Variants in ZNF131 observed in about 807,000 individuals in gnomAD.
ZNF131 encodes zinc finger and BTB domain containing 35, also known as zinc finger protein 131.
A neutral mutation model predicts 60.0 loss-of-function variants in ZNF131; 7 were observed. That is an observed-to-expected ratio of 0.12 (90% CI 0.07 to 0.22). ZNF131 has a LOEUF of 0.22. Ranked by LOEUF, ZNF131 falls within the 10% of genes least tolerant of loss-of-function variation. The probability of loss-of-function intolerance (pLI) is 1.00; values close to 1 mark genes in which losing one functional copy is unlikely to be tolerated. For missense variants in ZNF131, 493 were observed against 740.9 expected (o/e 0.67, Z 3.88); for synonymous variants, 257 against 253.2 (o/e 1.01, Z -0.14).
At chr5:43,122,295 C>G in intron 2 of ZNF131, 118 bp downstream of exon 2, 2 of 1,233,188 alleles carry the variant, frequency 1.6e-6, no homozygotes, top group Admixed American at 2.7e-5. Flanking sequence ...GTCTCCCTAC[C>G]AAAGTCTGCA....
chr5:43,144,084 A>G (rs145599027), intron 4 of ZNF131, among the ~76,000 whole-genome samples: 14,607 of 149,986 alleles, frequency 0.097, 837 homozygotes, highest in East Asian at 0.19. Flanking sequence ...CACCACGCCC[A>G]GCTAATATTT....
At chr5:43,122,241 C>G (rs935996751) in intron 2 of ZNF131, 64 bp downstream of exon 2, 3 of 1,414,976 alleles carry the variant, frequency 2.1e-6, no homozygotes, top group Non-Finnish European at 2.8e-6. Context: ...CCTTCGGACA[C>G]CCGCCTTTTT....
chr5:43,159,992 C>T (rs954950941), intron 4 of ZNF131, among the ~76,000 whole-genome samples: 1 of 151,538 alleles, frequency 6.6e-6, no homozygotes, highest in East Asian at 1.9e-4. Flanking sequence ...CTGGCTAACA[C>T]GGTGAAACCC....
At chr5:43,121,550 GC>G (rs1184992313) in intron 1 of ZNF131, 11 of 152,908 alleles carry the variant, frequency 7.2e-5, no homozygotes, top group African/African-American at 2.4e-4. Context: ...GCAAGCCTGG[GC>G]CGCTCCTCCT....
chr5:43,173,274 G>C, intron 5 of ZNF131, 44 bp from the exon 6 acceptor site: 1 of 1,487,622 alleles, frequency 6.7e-7, no homozygotes, highest in East Asian at 2.3e-5. Flanking sequence ...TTGCTCTTAG[G>C]ATTTTTCTTA....
At chr5:43,130,264 C>CAAAAAAAAA (rs570313526) in intron 3 of ZNF131, among the ~76,000 whole-genome samples, 7,139 of 67,814 alleles carry the variant, frequency 0.11, 995 homozygotes, top group South Asian at 0.15. Flanking sequence ...ACTCTGTCTC[C>CAAAAAAAAA]AAAAAAAAAA....
At chr5:43,136,778 C>T (rs776595734) in intron 3 of ZNF131, among the ~76,000 whole-genome samples, 4 of 151,672 alleles carry the variant, frequency 2.6e-5, no homozygotes, top group Middle Eastern at 3.4e-3. Context: ...TGAGCCACTG[C>T]ACCCAGCTGA....
intron 6 of ZNF131, 70 bp from the exon 7 acceptor site, chr5:43,174,377 A>C: frequency 7.5e-7 from 1 of 1,335,056 alleles, no homozygotes; most frequent in Non-Finnish European, 1.0e-6. Context: ...CTTTACAGAG[A>C]ATAAATGCAT....
At chr5:43,138,603 C>T (rs769620797) in intron 3 of ZNF131, among the ~76,000 whole-genome samples, 4 of 152,104 alleles carry the variant, frequency 2.6e-5, no homozygotes, top group Non-Finnish European at 5.9e-5. Context: ...GAGCCAAGAT[C>T]ACTGTATTGC....
chr5:43,145,237 C>T (rs1747433480), intron 4 of ZNF131, among the ~76,000 whole-genome samples: 1 of 152,198 alleles, frequency 6.6e-6, no homozygotes, highest in South Asian at 2.1e-4. Flanking sequence ...TTATCCCACT[C>T]TGCAAAACAA....
chr5:43,148,429 C>T (rs1324501257), intron 4 of ZNF131, among the ~76,000 whole-genome samples: 1 of 152,210 alleles, frequency 6.6e-6, no homozygotes, highest in Non-Finnish European at 1.5e-5. Flanking sequence ...AACACAACTA[C>T]TTATGCCCTG....
At chr5:43,144,852 ATCTG>A (rs989891422) in intron 4 of ZNF131, among the ~76,000 whole-genome samples, 25 of 151,590 alleles carry the variant, frequency 1.6e-4, no homozygotes, top group African/African-American at 5.8e-4. Flanking sequence ...TTGGAATGCC[ATCTG>A]TCTGCTTGTT....
intron 3 of ZNF131, among the ~76,000 whole-genome samples, chr5:43,126,257 T>A (rs896374469): frequency 3.3e-5 from 5 of 152,210 alleles, no homozygotes; most frequent in African/African-American, 1.2e-4. Flanking sequence ...GCTGTTAAAA[T>A]CCTCTGGAAA....
intron 3 of ZNF131, among the ~76,000 whole-genome samples, chr5:43,135,358 A>G (rs1208967182): frequency 6.6e-6 from 1 of 152,154 alleles, no homozygotes; most frequent in African/African-American, 2.4e-5. Context: ...GAACAATCCC[A>G]TTTATATTGA....
In ZNF131 at chr5:43,143,121, C is replaced by T. The variant is rs1747077650; in HGVS notation, c.371+3812C>T. 2.0e-5 allele frequency among the ~76,000 whole-genome samples: 3 copies of T among 150,502 alleles called. No individual in the cohort carries two copies. The South Asian group carries it at 6.3e-4, about 31-fold the overall frequency. On this transcript the variant is annotated intron_variant, in intron 4 of 6. Coordinates refer to ENST00000682664, the MANE Select transcript of ZNF131 (RefSeq NM_001330707.2). ...CACTGCAACCTCTGCTTCCCGGGTT[C>T]AAGCGATTCCTTTGCCTCAATCTCC...
At chr5:43,125,641 G>A (rs1433458034) in intron 3 of ZNF131, among the ~76,000 whole-genome samples, 3 of 151,796 alleles carry the variant, frequency 2.0e-5, no homozygotes, top group African/African-American at 2.4e-5. Context: ...TTAGCCGGGC[G>A]TGGTGGTGGG....
rs1240242205 is a variant in ZNF131 at position 43,175,754 on chromosome 5, TCAAAA to T, written c.*623_*627del. The T allele has an allele frequency of 6.9e-6, 2 of 287,946 alleles. No homozygotes were observed. The highest frequency in any genetic ancestry group is 4.5e-5 in the African/African-American group (2 of 44,846). The allele number at this position is 287,946 out of a possible 1,614,324, so 17.8% of individuals were successfully genotyped here. On this transcript the variant is annotated 3_prime_UTR_variant, in exon 7 of 7. Transcript: ENST00000682664. Reference sequence around the variant, plus strand: ...AAAAAATCCACACCCATGTGCCTTCTCAAAACCAACTGAACTTCTATAAAGCATCT... The same window carrying T: ...AAAAAATCCACACCCATGTGCCTTCTCCAACTGAACTTCTATAAAGCATCT...
chr5:43,142,999 C>T (rs974405344), intron 4 of ZNF131, among the ~76,000 whole-genome samples: 18 of 150,982 alleles, frequency 1.2e-4, no homozygotes, highest in Non-Finnish European at 2.1e-4. Flanking sequence ...CTTGGCCAGA[C>T]ATGGTTTCTT....
rs183099881 is a variant in ZNF131, at chr5:43,126,751, T to C, written c.226+3441T>C. On this transcript the variant is annotated intron_variant, in intron 3 of 6. Coordinates refer to ENST00000682664, the MANE Select transcript of ZNF131 (RefSeq NM_001330707.2). ...TAGTTCTTTTGTCAGAAGAACTCTC[T>C]TTTAGAGTTTAGGAGACAGCTACCA... 2.0e-5 allele frequency among the ~76,000 whole-genome samples: 3 copies of C among 152,328 alleles called. No homozygotes were observed. The East Asian group carries it at 5.8e-4, about 29-fold the overall frequency.
Sources: gnomAD v4.1 joint callset for allele counts (sites outside exome capture counted in the v4.1 genomes callset) on GRCh38, gnomAD v4.1.1 for gene constraint, MANE v1.5 for transcripts, NCBI Gene and HGNC (gene_info 2026-07-23, HGNC 2026-07-21) for gene names.